NEGR1: variants seen among roughly 807,000 people sequenced by gnomAD.
The protein encoded by NEGR1 is IgLON family member 4.
Under a neutral mutation model 40.9 loss-of-function variants are expected in NEGR1, and 10 were observed. The observed-to-expected ratio is 0.24, with a 90% CI of 0.15 to 0.42. NEGR1 has a LOEUF of 0.42. Among genes scored for constraint, NEGR1 ranks in the 10% least tolerant of loss-of-function variants. NEGR1 has a pLI of 1.00. For synonymous variants in NEGR1, 185 were observed against 166.8 expected (o/e 1.11, Z -0.84); for missense variants, 352 against 438.9 (o/e 0.80, Z 1.77).
chr1:71,878,260 A>T (rs764898183), intron 2 of NEGR1, among the ~76,000 whole-genome samples: 2 of 152,138 alleles, frequency 1.3e-5, no homozygotes, highest in African/African-American at 2.4e-5. Context: ...GTAATTTTTT[A>T]GAAAAGATTA....
chr1:72,279,533 T>C (rs532380739), intron 1 of NEGR1, among the ~76,000 whole-genome samples: 2 of 152,338 alleles, frequency 1.3e-5, no homozygotes, highest in East Asian at 3.9e-4. Flanking sequence ...TTAAGTGTTC[T>C]CTTGAGCACT....
intron 1 of NEGR1, among the ~76,000 whole-genome samples, chr1:72,206,945 C>T (rs868518366): frequency 2.6e-5 from 4 of 151,236 alleles, no homozygotes; most frequent in African/African-American, 7.3e-5. Flanking sequence ...CAAAGACTAA[C>T]AGAGAAGACA....
intron 6 of NEGR1, among the ~76,000 whole-genome samples, chr1:71,534,274 T>A (rs1647445683): frequency 6.6e-6 from 1 of 151,708 alleles, no homozygotes; most frequent in Non-Finnish European, 1.5e-5. Flanking sequence ...TCCTTCCTTT[T>A]TAGTCGAACT....
intron 6 of NEGR1, among the ~76,000 whole-genome samples, chr1:71,474,021 T>C (rs1646801793): frequency 6.6e-6 from 1 of 152,004 alleles, no homozygotes; most frequent in Non-Finnish European, 1.5e-5. Flanking sequence ...GTAAGATCTA[T>C]AATGTGCAGA....
At chr1:71,598,087 T>G (rs1649789522) in intron 5 of NEGR1, among the ~76,000 whole-genome samples, 1 of 152,228 alleles carries the variant, frequency 6.6e-6, no homozygotes, top group Admixed American at 6.5e-5. Context: ...AACAGACATT[T>G]AAGAAGATTA....
chr1:72,145,387 T>C (rs567690080), intron 1 of NEGR1, among the ~76,000 whole-genome samples: 8 of 152,222 alleles, frequency 5.3e-5, no homozygotes, highest in African/African-American at 1.9e-4. Context: ...GTGAATTGAG[T>C]TGTTGAACAG....
intron 6 of NEGR1, among the ~76,000 whole-genome samples, chr1:71,466,940 G>T (rs377409109): frequency 6.6e-6 from 1 of 152,096 alleles, no homozygotes; most frequent in East Asian, 1.9e-4. Flanking sequence ...CAACTCTGTA[G>T]TATAAATTGT....
chr1:72,119,553 T>C (rs1215837909), intron 1 of NEGR1, among the ~76,000 whole-genome samples: 1 of 151,958 alleles, frequency 6.6e-6, no homozygotes, highest in Non-Finnish European at 1.5e-5. Context: ...GCATAGGTTA[T>C]CATATTGGCA....
intron 6 of NEGR1, among the ~76,000 whole-genome samples, chr1:71,514,213 G>T (rs1647101550): frequency 9.4e-6 from 1 of 106,104 alleles, no homozygotes; most frequent in African/African-American, 4.1e-5. Context: ...GAACTGGGTG[G>T]AGCCCACCAC....
chr1:71,687,978 A>T (rs1338904359), intron 4 of NEGR1, among the ~76,000 whole-genome samples: 2 of 152,104 alleles, frequency 1.3e-5, no homozygotes, highest in African/African-American at 2.4e-5. Context: ...AATTTTATGA[A>T]CATTTTTCAA....
At chr1:71,971,970 A>G (rs1646260238) in intron 1 of NEGR1, among the ~76,000 whole-genome samples, 1 of 152,208 alleles carries the variant, frequency 6.6e-6, no homozygotes, top group African/African-American at 2.4e-5. Flanking sequence ...TTCTCTTGAG[A>G]CTGTTTTTAG....
chr1:71,965,347 G>A (rs971179002), intron 1 of NEGR1, among the ~76,000 whole-genome samples: 1 of 152,122 alleles, frequency 6.6e-6, no homozygotes, highest in Non-Finnish European at 1.5e-5. Context: ...TAACTTTAGC[G>A]AAGTTTTCTG....
chr1:71,829,315 C>T lies in NEGR1; in HGVS notation c.410-53018G>A, dbSNP rs72948073. 4.0e-3 allele frequency among the ~76,000 whole-genome samples: 608 copies of T among 151,958 alleles called. 3 individuals carry two copies. Among genetic ancestry groups the T allele is most frequent in the African/African-American group, 0.014 (578 of 41,486 alleles). ...GATATTGGTTCCAGCATATCTCTGG[C>T]ATCACCAACCAGTAAGTAAAATTAT... On this transcript the variant is annotated intron_variant, in intron 2 of 6. Coordinates refer to ENST00000357731, the MANE Select transcript of NEGR1 (RefSeq NM_173808.3).
intron 6 of NEGR1, among the ~76,000 whole-genome samples, chr1:71,583,189 TA>T (rs1374308760): frequency 6.6e-6 from 1 of 151,698 alleles, no homozygotes; most frequent in Non-Finnish European, 1.5e-5. Flanking sequence ...GTCAGTAACG[TA>T]AAAAAAACTT....
chr1:71,925,492 G>T (rs1049085060), intron 2 of NEGR1, among the ~76,000 whole-genome samples: 1 of 152,110 alleles, frequency 6.6e-6, no homozygotes, highest in African/African-American at 2.4e-5. Context: ...ACTAAGCTTT[G>T]CCACCAGTTT....
intron 1 of NEGR1, among the ~76,000 whole-genome samples, chr1:72,237,893 C>T (rs1405363215): frequency 6.6e-6 from 1 of 151,818 alleles, no homozygotes; most frequent in Non-Finnish European, 1.5e-5. Context: ...TAATAACAGC[C>T]TTATGCAGGG....
intron 4 of NEGR1, among the ~76,000 whole-genome samples, chr1:71,667,967 T>C (rs1431717088): frequency 2.0e-5 from 3 of 152,244 alleles, no homozygotes; most frequent in Non-Finnish European, 2.9e-5. Context: ...TAGCATATAA[T>C]GTAGTCATAA....
At chr1:72,142,183 T>C (rs1463748357) in intron 1 of NEGR1, among the ~76,000 whole-genome samples, 1 of 151,896 alleles carries the variant, frequency 6.6e-6, no homozygotes, top group African/African-American at 2.4e-5. Context: ...AAGGAGGTAA[T>C]TGGTACTTAG....
At chr1:72,267,585 A>G (rs1557605911) in intron 1 of NEGR1, among the ~76,000 whole-genome samples, 1 of 151,330 alleles carries the variant, frequency 6.6e-6, no homozygotes, top group Non-Finnish European at 1.5e-5. Flanking sequence ...AATTATTGAA[A>G]TTGCTAGAGA....
Sources: allele counts gnomAD v4.1 joint callset (sites outside exome capture counted in the v4.1 genomes callset), GRCh38; gene constraint gnomAD v4.1.1; transcripts MANE v1.5; gene names NCBI Gene and HGNC (gene_info 2026-07-23, HGNC 2026-07-21).